LRFN2: variants seen among roughly 807,000 people sequenced by gnomAD.
The protein encoded by LRFN2 is leucine-rich repeat and fibronectin type-III domain-containing protein 2.
Under a neutral mutation model 37.3 loss-of-function variants are expected in LRFN2, and 18 were observed. The observed-to-expected ratio is 0.48, with a 90% CI of 0.33 to 0.72. The LOEUF (loss-of-function observed/expected upper bound fraction) is 0.72, where lower values mean the gene tolerates loss of function less well. Among genes scored for constraint, LRFN2 ranks in the 30% least tolerant of loss-of-function variants. The pLI is 0.02. For synonymous variants in LRFN2, 556 were observed against 466.6 expected (o/e 1.19, Z -2.47); for missense variants, 1,006 against 1,060.7 (o/e 0.95, Z 0.72).
chr6:40,489,573 G>A (rs1041998217), intron 1 of LRFN2, among the ~76,000 whole-genome samples: 10 of 152,122 alleles, frequency 6.6e-5, no homozygotes, highest in African/African-American at 2.2e-4. Flanking sequence ...AGTGGGGCAG[G>A]AGGGCAGCAG....
chr6:40,496,420 C>G (rs530184040), intron 1 of LRFN2, among the ~76,000 whole-genome samples: 1 of 152,310 alleles, frequency 6.6e-6, no homozygotes, highest in South Asian at 2.1e-4. Flanking sequence ...CCCACTGCAG[C>G]CTGCAAGGCC....
At chr6:40,542,253 G>A (rs889082108) in intron 1 of LRFN2, among the ~76,000 whole-genome samples, 3 of 152,160 alleles carry the variant, frequency 2.0e-5, no homozygotes, top group Non-Finnish European at 4.4e-5. Context: ...CTGGGCCCCT[G>A]GGTGAATTGC....
chr6:40,455,337 C>T (rs1764210402), intron 1 of LRFN2, among the ~76,000 whole-genome samples: 1 of 152,208 alleles, frequency 6.6e-6, no homozygotes, highest in Non-Finnish European at 1.5e-5. Context: ...CAGCTGTTTG[C>T]TCCACCTCGG....
intron 1 of LRFN2, among the ~76,000 whole-genome samples, chr6:40,539,781 G>A (rs1435569158): frequency 6.6e-6 from 1 of 152,180 alleles, no homozygotes; most frequent in African/African-American, 2.4e-5. Context: ...AGGGTAGAGA[G>A]GTTTTAGAGG....
intron 1 of LRFN2, among the ~76,000 whole-genome samples, chr6:40,445,843 T>G (rs1471878901): frequency 6.6e-6 from 1 of 152,174 alleles, no homozygotes; most frequent in East Asian, 1.9e-4. Context: ...TCTCAATACC[T>G]CAGTTTCCTC....
intron 1 of LRFN2, among the ~76,000 whole-genome samples, chr6:40,519,789 T>A (rs1215440092): frequency 6.6e-6 from 1 of 151,472 alleles, no homozygotes; most frequent in Admixed American, 6.6e-5. Flanking sequence ...AGCAGGTGAG[T>A]CTATAGGGCA....
intron 2 of LRFN2, among the ~76,000 whole-genome samples, chr6:40,426,059 C>G (rs185609411): frequency 6.6e-6 from 1 of 152,122 alleles, no homozygotes; most frequent in Non-Finnish European, 1.5e-5. Context: ...TGGGCCTCTG[C>G]CAAGATTTTT....
intron 2 of LRFN2, among the ~76,000 whole-genome samples, chr6:40,415,263 T>C (rs1763071045): frequency 6.6e-6 from 1 of 152,062 alleles, no homozygotes; most frequent in Non-Finnish European, 1.5e-5. Flanking sequence ...TCTTGCTTTG[T>C]CGCCTAGGCT....
At chr6:40,583,127 G>A (rs1018235240) in intron 1 of LRFN2, among the ~76,000 whole-genome samples, 9 of 151,564 alleles carry the variant, frequency 5.9e-5, no homozygotes, top group Non-Finnish European at 1.2e-4. Flanking sequence ...GCTTGGTGGG[G>A]AGGCAAAAAA....
intron 1 of LRFN2, among the ~76,000 whole-genome samples, chr6:40,558,674 C>T (rs73732754): frequency 0.021 from 3,155 of 152,252 alleles, 125 homozygotes; most frequent in African/African-American, 0.07. Context: ...AAATTACTGT[C>T]TTTATCATTA....
At chr6:40,581,261 T>A (rs1767393362) in intron 1 of LRFN2, among the ~76,000 whole-genome samples, 1 of 152,194 alleles carries the variant, frequency 6.6e-6, no homozygotes. Context: ...TCCGCAGAGA[T>A]GTCTGCTCTG....
intron 1 of LRFN2, among the ~76,000 whole-genome samples, chr6:40,496,895 C>T (rs192294024): frequency 1.3e-5 from 2 of 152,274 alleles, no homozygotes; most frequent in African/African-American, 2.4e-5. Flanking sequence ...TAATCTCAGG[C>T]TTTCAGTTCC....
rs11317012 is a variant in LRFN2, at chr6:40,435,547, A to AT, written c.-18-2417dup. Among the ~76,000 whole-genome samples the AT allele has an allele frequency of 6.0e-5, 9 of 148,786 alleles. No homozygotes were observed. The East Asian group carries it at 6.1e-4, about 10-fold the overall frequency. On this transcript the variant is annotated intron_variant, in intron 1 of 2. Transcript: ENST00000338305. ...TAGCTTATTTTATTTTTTGTTTCCT[A>AT]TTTTTTTTTGAGACGGAGTCTGGCT... is the stretch of plus-strand genomic sequence containing the variant.
intron 1 of LRFN2, among the ~76,000 whole-genome samples, chr6:40,452,467 T>A (rs1330048893): frequency 1.3e-5 from 2 of 152,180 alleles, no homozygotes; most frequent in Non-Finnish European, 2.9e-5. Context: ...ACTCCCTGCA[T>A]TAGTGAGTCC....
chr6:40,449,448 A>T lies in LRFN2; in HGVS notation c.-18-16317T>A, dbSNP rs1462568129. 2.0e-5 allele frequency among the ~76,000 whole-genome samples: 3 copies of T among 152,372 alleles called. No individual in the cohort carries two copies. The East Asian group carries it at 5.8e-4, about 29-fold the overall frequency. ...TAGTTCTAACCAAAGGGTTGTGAGT[A>T]AATGTCTACTATGTGATGACCCACA... On this transcript the variant is annotated intron_variant, in intron 1 of 2. Transcript: ENST00000338305.
intron 1 of LRFN2, among the ~76,000 whole-genome samples, chr6:40,563,948 A>G (rs1767044222): frequency 6.6e-6 from 1 of 152,170 alleles, no homozygotes; most frequent in Non-Finnish European, 1.5e-5. Context: ...TTCTTAAATG[A>G]TCACCACTGC....
chr6:40,480,704 G>T (rs1764808580), intron 1 of LRFN2, among the ~76,000 whole-genome samples: 1 of 152,020 alleles, frequency 6.6e-6, no homozygotes, highest in Admixed American at 6.6e-5. Context: ...ATTTCTCTGG[G>T]CCCCACATGC....
intron 1 of LRFN2, among the ~76,000 whole-genome samples, chr6:40,584,330 T>C (rs1767460864): frequency 6.6e-6 from 1 of 152,114 alleles, no homozygotes; most frequent in Non-Finnish European, 1.5e-5. Flanking sequence ...TTTTACCAGG[T>C]CAAAACACAA....
chr6:40,443,590 A>G (rs981779744), intron 1 of LRFN2, among the ~76,000 whole-genome samples: 3 of 152,164 alleles, frequency 2.0e-5, no homozygotes, highest in Admixed American at 6.5e-5. Flanking sequence ...CAAAAGGCAA[A>G]TGGAGCAGAG....
Sources: gnomAD v4.1 joint callset for allele counts (sites outside exome capture counted in the v4.1 genomes callset) on GRCh38, gnomAD v4.1.1 for gene constraint, MANE v1.5 for transcripts, NCBI Gene and HGNC (gene_info 2026-07-23, HGNC 2026-07-21) for gene names.